The following LRRC4C variants were observed in gnomAD, a reference collection of about 807,000 sequenced individuals.
LRRC4C encodes leucine rich repeat containing 4C, also known as leucine-rich repeat-containing protein 4C.
LRRC4C carries 5 observed loss-of-function variants against 33.6 expected under a neutral mutation model. That is an observed-to-expected ratio of 0.15 (90% confidence interval 0.08 to 0.31). The LOEUF (loss-of-function observed/expected upper bound fraction) is 0.31, where lower values mean the gene tolerates loss of function less well. Among genes scored for constraint, LRRC4C ranks in the 10% least tolerant of loss-of-function variants. LRRC4C has a pLI of 1.00. For synonymous variants in LRRC4C, 329 were observed against 302.0 expected (o/e 1.09, Z -0.93); for missense variants, 560 against 796.7 (o/e 0.70, Z 3.58).
In LRRC4C at chr11:40,210,363, T is replaced by A. The variant is rs566372974; in HGVS notation, c.-96+31156A>T. Among the ~76,000 whole-genome samples, 12 of 152,336 alleles carry A rather than the reference T, an allele frequency of 7.9e-5. No homozygotes were observed. In the East Asian group the frequency reaches 2.1e-3, roughly 27 times the overall value. The stretch of plus-strand genomic sequence containing the variant: ...CTCAAATCTATAGAAAGTAAAAACC[T>A]TGAGCACAGAGAATATTTCTTATTA... On this transcript the variant is annotated intron_variant, in intron 5 of 6. Coordinates refer to ENST00000528697, the MANE Select transcript of LRRC4C (RefSeq NM_001258419.2).
chr11:40,260,242 A>C (rs1419875291), intron 4 of LRRC4C, among the ~76,000 whole-genome samples: 1 of 127,766 alleles, frequency 7.8e-6, no homozygotes, highest in Non-Finnish European at 1.6e-5. Flanking sequence ...TGATGAGTTC[A>C]TGTCCTTTGT....
intron 1 of LRRC4C, among the ~76,000 whole-genome samples, chr11:41,171,010 T>C (rs1198196554): frequency 2.6e-5 from 4 of 151,980 alleles, no homozygotes. Flanking sequence ...AAAATGCTCA[T>C]CATCACTGGC....
At chr11:41,086,603 T>C (rs2135518924) in intron 1 of LRRC4C, among the ~76,000 whole-genome samples, 1 of 152,278 alleles carries the variant, frequency 6.6e-6, no homozygotes. Context: ...TAAGAATAGC[T>C]ATATTTTTAA....
intron 4 of LRRC4C, among the ~76,000 whole-genome samples, chr11:40,258,420 ATG>A (rs2136233780): frequency 6.6e-6 from 1 of 152,228 alleles, no homozygotes; most frequent in African/African-American, 2.4e-5. Flanking sequence ...TTCTAATTCT[ATG>A]TATATTGCAC....
intron 1 of LRRC4C, among the ~76,000 whole-genome samples, chr11:40,934,549 T>C (rs1328034488): frequency 1.3e-5 from 2 of 152,204 alleles, no homozygotes; most frequent in Non-Finnish European, 2.9e-5. Context: ...TACGCTATAA[T>C]AATTTAGCAT....
At chr11:40,551,904 A>C (rs1367728404) in intron 3 of LRRC4C, among the ~76,000 whole-genome samples, 1 of 152,202 alleles carries the variant, frequency 6.6e-6, no homozygotes, top group Admixed American at 6.5e-5. Context: ...ATATGTTTAA[A>C]GATGAGATTA....
chr11:40,841,047 A>G (rs1415844801), intron 2 of LRRC4C, among the ~76,000 whole-genome samples: 1 of 152,244 alleles, frequency 6.6e-6, no homozygotes, highest in Non-Finnish European at 1.5e-5. Context: ...TTTAGAAAAT[A>G]TAAAAAGAAA....
chr11:40,444,901 C>T (rs528966261), intron 3 of LRRC4C, among the ~76,000 whole-genome samples: 1 of 152,164 alleles, frequency 6.6e-6, no homozygotes, highest in Non-Finnish European at 1.5e-5. Flanking sequence ...CTCTCACTTA[C>T]GTAAGGTACA....
Position 40,579,644 on chromosome 11 carries a change from C to T in LRRC4C, c.-270+68498G>A, listed in dbSNP as rs72886961. On this transcript the variant is annotated intron_variant, in intron 3 of 6. Coordinates refer to ENST00000528697, the MANE Select transcript of LRRC4C (RefSeq NM_001258419.2). ...TGTCTGTTGCCTATTTCTAGCTATA[C>T]CCCTTTCAGCCCGTCTATAACTCTT... 3.6e-3 allele frequency among the ~76,000 whole-genome samples: 547 copies of T among 152,218 alleles called. 2 individuals carry two copies. The highest frequency in any genetic ancestry group is 6.0e-3 in the Non-Finnish European group (405 of 68,026).
chr11:40,120,288 CATTTATA>C lies in LRRC4C; in HGVS notation c.-42-3961_-42-3955del, dbSNP rs557088063. On this transcript the variant is annotated intron_variant, in intron 6 of 6. Coordinates refer to ENST00000528697, the MANE Select transcript of LRRC4C (RefSeq NM_001258419.2). Reference sequence around the variant, plus strand: ...GTTTTATAGGACTACACCCCTGCCCCATTTATATCATGACAACAATGTGGTTGGTAGG... The same window carrying C: ...GTTTTATAGGACTACACCCCTGCCCCTCATGACAACAATGTGGTTGGTAGG... Among the ~76,000 whole-genome samples, 70 of 152,308 alleles carry C rather than the reference CATTTATA, an allele frequency of 4.6e-4. 2 individuals are homozygous for C. The South Asian group carries it at 0.015, about 32-fold the overall frequency.
At chr11:41,111,683 G>A (rs1474893788) in intron 1 of LRRC4C, among the ~76,000 whole-genome samples, 1 of 151,916 alleles carries the variant, frequency 6.6e-6, no homozygotes, top group Non-Finnish European at 1.5e-5. Context: ...GCTGTGGTTG[G>A]AACGTAGGAA....
rs2922019 is a variant in LRRC4C, at chr11:41,396,202, A to T, written c.-496+63229T>A. Among the ~76,000 whole-genome samples the T allele has an allele frequency of 6.6e-3, 1,003 of 152,158 alleles. 31 individuals carry two copies. The East Asian group carries it at 0.089, about 13-fold the overall frequency. On this transcript the variant is annotated intron_variant, in intron 1 of 6. Transcript: ENST00000528697. ...TACAATCAAAGAGAGATATTGAAGA[A>T]CAGAATAAGTTAACAAGCAAATCGA...
chr11:40,455,723 T>C (rs1187257329), intron 3 of LRRC4C, among the ~76,000 whole-genome samples: 1 of 152,176 alleles, frequency 6.6e-6, no homozygotes, highest in African/African-American at 2.4e-5. Flanking sequence ...TATGTGTCTC[T>C]GCTTTAAATG....
At chr11:41,019,212 C>T (rs754686221) in intron 1 of LRRC4C, among the ~76,000 whole-genome samples, 7 of 152,028 alleles carry the variant, frequency 4.6e-5, no homozygotes, top group Non-Finnish European at 5.9e-5. Context: ...GTGTTATTCC[C>T]GTCTCTGTCC....
intron 1 of LRRC4C, among the ~76,000 whole-genome samples, chr11:41,012,329 T>C (rs184852198): frequency 6.6e-5 from 10 of 152,304 alleles, no homozygotes; most frequent in Admixed American, 5.2e-4. Flanking sequence ...TGAGAATATG[T>C]TATATTTGTT....
intron 1 of LRRC4C, among the ~76,000 whole-genome samples, chr11:41,011,161 T>C (rs1855150534): frequency 6.6e-6 from 1 of 152,152 alleles, no homozygotes; most frequent in Non-Finnish European, 1.5e-5. Context: ...CTATATAACA[T>C]GATATACAAC....
At chr11:40,898,159 A>G (rs1956034729) in intron 2 of LRRC4C, among the ~76,000 whole-genome samples, 1 of 151,966 alleles carries the variant, frequency 6.6e-6, no homozygotes, top group Non-Finnish European at 1.5e-5. Context: ...GTTCGAGATC[A>G]GTTTGACCAA....
chr11:41,458,621 T>C (rs1439169609), intron 1 of LRRC4C, among the ~76,000 whole-genome samples: 1 of 151,734 alleles, frequency 6.6e-6, no homozygotes, highest in East Asian at 1.9e-4. Flanking sequence ...GCAAGATGTT[T>C]GACTAAAGTC....
At chr11:40,999,153 C>T (rs558911823) in intron 1 of LRRC4C, among the ~76,000 whole-genome samples, 78 of 152,144 alleles carry the variant, frequency 5.1e-4, no homozygotes, top group African/African-American at 1.5e-3. Flanking sequence ...CCTGATGACA[C>T]GTCAATAAAG....
Sources: gnomAD v4.1 joint callset for allele counts (sites outside exome capture counted in the v4.1 genomes callset) on GRCh38, gnomAD v4.1.1 for gene constraint, MANE v1.5 for transcripts, NCBI Gene and HGNC (gene_info 2026-07-23, HGNC 2026-07-21) for gene names.